Variants in MAGI1 observed in about 807,000 individuals in gnomAD.
MAGI1 encodes the protein membrane-associated guanylate kinase, WW and PDZ domain-containing protein 1.
Under a neutral mutation model 139.9 loss-of-function variants are expected in MAGI1, and 58 were observed. That is an observed-to-expected ratio of 0.41 (90% CI 0.34 to 0.52). The LOEUF (loss-of-function observed/expected upper bound fraction) is 0.52. MAGI1 is among the 20% of genes least tolerant of loss of function. MAGI1 has a pLI of 0.12. For missense variants in MAGI1, 1,874 were observed against 1,901.6 expected (o/e 0.99, Z 0.27); for synonymous variants, 812 against 737.9 (o/e 1.10, Z -1.63).
At chr3:65,641,512 G>T (rs907835432) in intron 1 of MAGI1, among the ~76,000 whole-genome samples, 2 of 152,182 alleles carry the variant, frequency 1.3e-5, no homozygotes, top group Non-Finnish European at 2.9e-5. Flanking sequence ...ATTCACGGTA[G>T]ATTCACTAAT....
At chr3:65,555,544 G>C (rs2080045570) in intron 2 of MAGI1, among the ~76,000 whole-genome samples, 1 of 152,108 alleles carries the variant, frequency 6.6e-6, no homozygotes, top group Non-Finnish European at 1.5e-5. Flanking sequence ...TGATAGGTGA[G>C]AGGTGGTGCC....
chr3:65,743,033 A>C (rs187731161), intron 1 of MAGI1, among the ~76,000 whole-genome samples: 247 of 152,324 alleles, frequency 1.6e-3, no homozygotes, highest in African/African-American at 5.4e-3. Context: ...CTTAAAAAAA[A>C]AGAAAGAGAC....
rs903368327 is a variant in MAGI1, at chr3:65,860,174, G to C, written c.313+177822C>G. ...GCCTCCCAAAGTGTTGGGATTACAG[G>C]TGTCAGCCACCGCATCCAGCCTAAT... On this transcript the variant is annotated intron_variant, in intron 1 of 22. Coordinates refer to ENST00000402939, the MANE Select transcript of MAGI1 (RefSeq NM_001033057.2). 2.6e-5 allele frequency among the ~76,000 whole-genome samples: 4 copies of C among 152,140 alleles called. No individual in the cohort carries two copies. In the South Asian group the frequency reaches 8.3e-4, roughly 32 times the overall value.
At chr3:65,970,538 G>C (rs933144980) in intron 1 of MAGI1, among the ~76,000 whole-genome samples, 1 of 140,464 alleles carries the variant, frequency 7.1e-6, no homozygotes, top group Non-Finnish European at 1.6e-5. Context: ...AAAAAAAAAA[G>C]AATCAAGAAA....
chr3:65,739,856 A>G (rs535744269), intron 1 of MAGI1, among the ~76,000 whole-genome samples: 1 of 152,300 alleles, frequency 6.6e-6, no homozygotes, highest in Non-Finnish European at 1.5e-5. Flanking sequence ...ACAGATCACC[A>G]AGACAGACAG....
chr3:65,788,941 G>A (rs2039572833), intron 1 of MAGI1, among the ~76,000 whole-genome samples: 1 of 152,112 alleles, frequency 6.6e-6, no homozygotes, highest in African/African-American at 2.4e-5. Context: ...GTTTTGGGAG[G>A]CCAATCCAGG....
chr3:65,698,198 A>G (rs1205451347), intron 1 of MAGI1, among the ~76,000 whole-genome samples: 2 of 120,112 alleles, frequency 1.7e-5, no homozygotes, highest in Non-Finnish European at 3.5e-5. Context: ...AAGGAGAACT[A>G]CAAACTGCTG....
intron 1 of MAGI1, among the ~76,000 whole-genome samples, chr3:65,829,002 T>C (rs12632067): frequency 0.47 from 71,412 of 151,942 alleles, 18,272 homozygotes; most frequent in East Asian, 0.76. Context: ...ACAACCACAA[T>C]GAGCTGATTT....
chr3:65,753,925 G>T (rs1029545454), intron 1 of MAGI1, among the ~76,000 whole-genome samples: 11 of 152,118 alleles, frequency 7.2e-5, no homozygotes, highest in African/African-American at 2.4e-4. Context: ...TCATAGGCAT[G>T]GGAAAGGACC....
At chr3:65,364,761 C>T in intron 19 of MAGI1, 36 bp from the exon 20 acceptor site, 1 of 1,607,946 alleles carries the variant, frequency 6.2e-7, no homozygotes, top group Non-Finnish European at 8.5e-7. Flanking sequence ...AAGAGCAACC[C>T]ATTAGCAAAC....
chr3:65,494,868 G>C (rs879578151), intron 2 of MAGI1, among the ~76,000 whole-genome samples: 1 of 152,104 alleles, frequency 6.6e-6, no homozygotes, highest in African/African-American at 2.4e-5. Context: ...CAGGCAAAAT[G>C]TATTTTTAGT....
At chr3:65,748,965 T>TG (rs2035920200) in intron 1 of MAGI1, among the ~76,000 whole-genome samples, 1 of 152,050 alleles carries the variant, frequency 6.6e-6, no homozygotes, top group Non-Finnish European at 1.5e-5. Context: ...GGGGTGGCAA[T>TG]GGTGATCCAG....
In MAGI1 at chr3:65,744,705, T is replaced by A. The variant is rs970253984; in HGVS notation, c.314-122617A>T. ...AAATGTTTTTGTTTTCTGTTTTTTT[T>A]AATAAAGGTAAGAAAAAGATGCGAA... On this transcript the variant is annotated intron_variant, in intron 1 of 22. Transcript: ENST00000402939. 2.6e-4 allele frequency among the ~76,000 whole-genome samples: 39 copies of A among 152,004 alleles called. 1 individual carries two copies. The highest frequency in any genetic ancestry group is 6.0e-4 in the East Asian group (3 of 5,042).
At chr3:65,772,726 A>G (rs920971107) in intron 1 of MAGI1, among the ~76,000 whole-genome samples, 4 of 152,254 alleles carry the variant, frequency 2.6e-5, no homozygotes, top group African/African-American at 9.6e-5. Context: ...CACTGAGGGC[A>G]GTATTGCAGG....
At chr3:66,035,758 G>C (rs2068882687) in intron 1 of MAGI1, among the ~76,000 whole-genome samples, 1 of 152,112 alleles carries the variant, frequency 6.6e-6, no homozygotes, top group Admixed American at 6.5e-5. Context: ...TGAACAATCT[G>C]TGCACAAGGG....
intron 2 of MAGI1, among the ~76,000 whole-genome samples, chr3:65,520,577 C>A (rs2078106783): frequency 6.6e-6 from 1 of 151,910 alleles, no homozygotes; most frequent in Non-Finnish European, 1.5e-5. Context: ...AATGAGTACT[C>A]AAAAAAAGTG....
chr3:65,584,096 A>AG, intron 2 of MAGI1, among the ~76,000 whole-genome samples: 1 of 151,592 alleles, frequency 6.6e-6, no homozygotes, highest in Admixed American at 6.6e-5. Flanking sequence ...GAAAAAAAAA[A>AG]AAAAAAAAAA....
intron 1 of MAGI1, among the ~76,000 whole-genome samples, chr3:65,916,802 T>C (rs201947215): frequency 4.3e-4 from 64 of 150,228 alleles, no homozygotes; most frequent in African/African-American, 1.6e-3. Context: ...CACACACACA[T>C]ACACACACAC....
intron 1 of MAGI1, among the ~76,000 whole-genome samples, chr3:65,672,121 C>T (rs1461699829): frequency 6.6e-6 from 1 of 152,126 alleles, no homozygotes; most frequent in Admixed American, 6.5e-5. Context: ...ATTGCCAAAA[C>T]TGAATTTACT....
Sources: gnomAD v4.1 joint callset for allele counts (sites outside exome capture counted in the v4.1 genomes callset) on GRCh38, gnomAD v4.1.1 for gene constraint, MANE v1.5 for transcripts, NCBI Gene and HGNC (gene_info 2026-07-23, HGNC 2026-07-21) for gene names.